The following PMM2 variants were observed in gnomAD, a reference collection of about 807,000 sequenced individuals.
The protein encoded by PMM2 is mannose-6-phosphate isomerase.
Under a neutral mutation model 33.2 loss-of-function variants are expected in PMM2, and 35 were observed. That is an observed-to-expected ratio of 1.06 (90% confidence interval 0.81 to 1.40). The LOEUF (loss-of-function observed/expected upper bound fraction) is 1.40. Ranked by LOEUF, PMM2 falls within the 40% of genes most tolerant of loss-of-function variation. The probability of loss-of-function intolerance (pLI) is 0.00; values close to 1 mark genes in which losing one functional copy is unlikely to be tolerated. For missense variants in PMM2, 386 were observed against 306.0 expected (o/e 1.26, Z -1.95); for synonymous variants, 153 against 114.7 (o/e 1.33, Z -2.13).
At chr16:8,811,311 T>C in intron 5 of PMM2, 133 bp downstream of exon 5, 1 of 723,538 alleles carries the variant, frequency 1.4e-6, no homozygotes, top group Non-Finnish European at 2.5e-6. Context: ...AGCCCAGGAG[T>C]TCAAGACCAG....
chr16:8,811,358 A>G lies in PMM2; in HGVS notation c.447+180A>G, dbSNP rs549922368. Among the ~76,000 whole-genome samples, 6 of 152,266 alleles carry G rather than the reference A, an allele frequency of 3.9e-5. No homozygotes were observed. The South Asian group carries it at 6.2e-4, about 16-fold the overall frequency. ...TAGTGAGACCTCATCTCTACAAATA[A>G]TAAAAAAAAAAATTAGCTGGGCATG... On this transcript the variant is annotated intron_variant, in intron 5 of 7. Transcript: ENST00000268261.
chr16:8,811,140 A>G lies in PMM2; in HGVS notation c.409A>G (p.Ser137Gly), dbSNP rs1345721037. Residue 137 changes from serine to glycine, a missense_variant, in exon 5 of 8, where the codon AGC (serine) becomes GGC (glycine). Ser to Gly is a moderately conservative substitution (Grantham distance 56, BLOSUM62 0). Coordinates refer to ENST00000268261, the MANE Select transcript of PMM2 (RefSeq NM_000303.3). The part of the protein sequence containing the change: ...LNVSPIGRSC[S>G]QEERIEFYEL... ...CGTGTCCCCTATTGGAAGAAGCTGC[A>G]GCCAAGAAGAACGCATTGAGTTCTA... 1.3e-6 allele frequency: 2 copies of G among 1,577,078 alleles called. No homozygotes were observed. The highest frequency in any genetic ancestry group is 1.7e-6 in the Non-Finnish European group (2 of 1,157,436).
intron 7 of PMM2, among the ~76,000 whole-genome samples, chr16:8,827,348 A>G (rs1596496651): frequency 6.6e-6 from 1 of 151,450 alleles, no homozygotes; most frequent in Admixed American, 6.6e-5. Context: ...AAAAAAATCC[A>G]GGAAGAGAAA....
In PMM2 at chr16:8,847,799, A is replaced by C; in HGVS notation, c.715A>C (p.Arg239=). The C allele has an allele frequency of 6.2e-7, 1 of 1,613,624 alleles. No homozygotes were observed. Among genetic ancestry groups the C allele is most frequent in the Non-Finnish European group, 8.5e-7 (1 of 1,179,664 alleles). The change falls in exon 8 of 8, where the codon AGG becomes CGG. Residue 239 remains arginine, a synonymous_variant. Transcript: ENST00000268261. ...YSVTAPEDTR[R]ICELLFS The stretch of plus-strand genomic sequence containing the variant: ...CGTGACAGCGCCTGAGGACACGCGC[A>C]GGATCTGTGAACTGCTGTTCTCCTA...
chr16:8,836,512 T>C (rs897266817), intron 7 of PMM2, among the ~76,000 whole-genome samples: 5 of 152,040 alleles, frequency 3.3e-5, no homozygotes, highest in Non-Finnish European at 7.4e-5. Flanking sequence ...GAGGAACGCC[T>C]GGCTGCTGCG....
At chr16:8,805,195 A>G (rs549333937) in intron 3 of PMM2, among the ~76,000 whole-genome samples, 4 of 151,928 alleles carry the variant, frequency 2.6e-5, no homozygotes, top group Non-Finnish European at 5.9e-5. Context: ...AGCCTCCCCC[A>G]TAGCTGGGAT....
intron 7 of PMM2, among the ~76,000 whole-genome samples, chr16:8,815,937 G>C (rs1764881513): frequency 6.6e-6 from 1 of 150,996 alleles, no homozygotes; most frequent in African/African-American, 2.4e-5. Flanking sequence ...AAATGTATAA[G>C]AAACTCCAAC....
chr16:8,817,288 G>A (rs756675282), intron 7 of PMM2, among the ~76,000 whole-genome samples: 44 of 152,174 alleles, frequency 2.9e-4, no homozygotes, highest in South Asian at 6.2e-4. Context: ...TTTCAGTGCA[G>A]GCTTTGAAAA....
intron 7 of PMM2, among the ~76,000 whole-genome samples, chr16:8,845,815 T>G (rs564824617): frequency 8.8e-5 from 13 of 147,482 alleles, no homozygotes; most frequent in Non-Finnish European, 1.8e-4. Context: ...TTTTTTTTAA[T>G]TAGAAGAATT....
intron 7 of PMM2, chr16:8,832,101 C>T (rs1316365823): frequency 1.0e-6 from 1 of 977,630 alleles, no homozygotes; most frequent in Admixed American, 6.2e-5. Context: ...CATTTGGGGT[C>T]CGCTTCACTT....
intron 7 of PMM2, among the ~76,000 whole-genome samples, chr16:8,841,259 T>C (rs955617419): frequency 7.3e-5 from 11 of 151,138 alleles, no homozygotes; most frequent in Non-Finnish European, 1.5e-4. Context: ...TGGTCCGTTA[T>C]CAGACTGTAT....
In PMM2 at chr16:8,813,039, A is replaced by G. The variant is rs778549166; in HGVS notation, c.572A>G (p.Tyr191Cys). Residue 191 changes from tyrosine to cysteine, a missense_variant, in exon 7 of 8, where the codon TAC (tyrosine) becomes TGC (cysteine). By Grantham distance (194) the Tyr-to-Cys change is radical (BLOSUM62 -2). Coordinates refer to ENST00000268261, the MANE Select transcript of PMM2 (RefSeq NM_000303.3). ...TTTCCTGATGGATGGGACAAGAGATACTGTCTGCGACATGTGGAAAATGAC... is the reference window on the plus strand; with the variant it reads ...TTTCCTGATGGATGGGACAAGAGATGCTGTCTGCGACATGTGGAAAATGAC... Reference protein sequence around the residue: ...DVFPDGWDKRYCLRHVENDGY... With the variant: ...DVFPDGWDKRCCLRHVENDGY... The G allele has an allele frequency of 1.2e-6, 2 of 1,613,812 alleles. No homozygotes were observed. The highest frequency in any genetic ancestry group is 2.2e-5 in the East Asian group (1 of 44,888).
intron 7 of PMM2, among the ~76,000 whole-genome samples, chr16:8,830,027 G>T (rs925078124): frequency 1.3e-5 from 2 of 152,178 alleles, no homozygotes; most frequent in Non-Finnish European, 2.9e-5. Context: ...CCAATGATGG[G>T]GCTACAGACA....
intron 7 of PMM2, among the ~76,000 whole-genome samples, chr16:8,835,075 T>G (rs2060835285): frequency 6.8e-6 from 1 of 147,300 alleles, no homozygotes; most frequent in Admixed American, 6.8e-5. Flanking sequence ...AGTTTGTGAT[T>G]TTTACGGCCT....
intron 7 of PMM2, among the ~76,000 whole-genome samples, chr16:8,819,990 T>C (rs1349634603): frequency 6.6e-6 from 1 of 152,218 alleles, no homozygotes; most frequent in East Asian, 1.9e-4. Flanking sequence ...CAACATTTTA[T>C]TCTCCAGAAA....
intron 1 of PMM2, among the ~76,000 whole-genome samples, chr16:8,800,218 G>A (rs746317444): frequency 2.6e-5 from 4 of 152,068 alleles, no homozygotes; most frequent in South Asian, 2.1e-4. Context: ...AAGATTAGCC[G>A]AGCATGATGG....
chr16:8,839,577 G>C (rs1019026712), intron 7 of PMM2, among the ~76,000 whole-genome samples: 5 of 152,054 alleles, frequency 3.3e-5, no homozygotes, highest in African/African-American at 1.2e-4. Context: ...TGATGAGCAA[G>C]GGGAAAGTAG....
chr16:8,848,061 C>T lies in PMM2; in HGVS notation c.*236C>T. 2 of 538,106 alleles carry T rather than the reference C, an allele frequency of 3.7e-6. No individual in the cohort carries two copies. Among genetic ancestry groups the T allele is most frequent in the Non-Finnish European group, 6.7e-6 (2 of 296,376 alleles). The allele number at this position is 538,106 out of a possible 1,614,324, so 33.3% of individuals were successfully genotyped here. On this transcript the variant is annotated 3_prime_UTR_variant, in exon 8 of 8. Transcript: ENST00000268261. ...AATGCCTCGCACAAAAGGTCTTCCCCACCCACCCCCAGCCCCCTAGTCTAA... is the reference window on the plus strand; with the variant it reads ...AATGCCTCGCACAAAAGGTCTTCCCTACCCACCCCCAGCCCCCTAGTCTAA...
At chr16:8,820,351 C>CT (rs545958069) in intron 7 of PMM2, among the ~76,000 whole-genome samples, 4,084 of 133,122 alleles carry the variant, frequency 0.031, 165 homozygotes, top group African/African-American at 0.074. Context: ...CACAGTTCTT[C>CT]TTTTTTTTTT....
Sources: gnomAD v4.1 joint callset for allele counts (sites outside exome capture counted in the v4.1 genomes callset) on GRCh38, gnomAD v4.1.1 for gene constraint, MANE v1.5 for transcripts, NCBI Gene and HGNC (gene_info 2026-07-23, HGNC 2026-07-21) for gene names.